LRRC37A2: variants seen among roughly 807,000 people sequenced by gnomAD.
LRRC37A2 encodes leucine rich repeat containing 37 member A2, also known as leucine-rich repeat-containing protein 37A2.
In LRRC37A2, 9 loss-of-function variants were observed where a neutral mutation model predicts 68.8. That is an observed-to-expected ratio of 0.13 (90% CI 0.08 to 0.23). The LOEUF is 0.23. Among genes scored for constraint, LRRC37A2 ranks in the 10% least tolerant of loss-of-function variants. The pLI is 1.00. For missense variants in LRRC37A2, 168 were observed against 950.4 expected (o/e 0.18, Z 10.82); for synonymous variants, 63 against 367.6 (o/e 0.17, Z 9.48).
At chr17:46,800,724 T>C in the LRRC37A2 span, among the ~76,000 whole-genome samples, 1 of 152,214 alleles carries the variant, frequency 6.6e-6, no homozygotes, top group African/African-American at 2.4e-5. Flanking sequence ...GGATCCACTG[T>C]GTGCCCTGTG....
chr17:46,833,420 C>A, the LRRC37A2 span: 1 of 517,310 alleles, frequency 1.9e-6, no homozygotes. Flanking sequence ...GCCTTACCAG[C>A]CCTCTAAGAA....
At chr17:46,981,557 A>G in the LRRC37A2 span, among the ~76,000 whole-genome samples, 1 of 152,170 alleles carries the variant, frequency 6.6e-6, no homozygotes, top group Non-Finnish European at 1.5e-5. Context: ...GTGAGAAATT[A>G]ATTTCTATTT....
chr17:46,969,249 A>G, the LRRC37A2 span, among the ~76,000 whole-genome samples: 1 of 152,176 alleles, frequency 6.6e-6, no homozygotes, highest in African/African-American at 2.4e-5. Context: ...GGAACACTCT[A>G]GCTGCCCTTC....
chr17:46,801,343 G>C, the LRRC37A2 span, among the ~76,000 whole-genome samples: 1 of 152,320 alleles, frequency 6.6e-6, no homozygotes, highest in Non-Finnish European at 1.5e-5. Flanking sequence ...AAAGTGGCCG[G>C]GCACGGTGGC....
chr17:46,929,874 A>C, the LRRC37A2 span: 4 of 341,172 alleles, frequency 1.2e-5, no homozygotes, highest in Non-Finnish European at 2.2e-5. Flanking sequence ...TAGTCCTTAG[A>C]GGAATGTACT....
chr17:46,685,503 A>G, the LRRC37A2 span, among the ~76,000 whole-genome samples: 1 of 152,150 alleles, frequency 6.6e-6, no homozygotes, highest in East Asian at 1.9e-4. Context: ...CAAACTAGTT[A>G]AATATAGAAC....
chr17:46,948,467 T>C, the LRRC37A2 span: 1 of 152,240 alleles, frequency 6.6e-6, no homozygotes, highest in Admixed American at 6.5e-5. Context: ...CAAGATACGA[T>C]ATTGCACATG....
chr17:46,962,045 A>G, the LRRC37A2 span, among the ~76,000 whole-genome samples: 3 of 152,208 alleles, frequency 2.0e-5, no homozygotes, highest in Admixed American at 2.0e-4. Flanking sequence ...AAAAATAAAA[A>G]TAGGGGCCAG....
the LRRC37A2 span, among the ~76,000 whole-genome samples, chr17:47,014,001 G>A: frequency 6.6e-6 from 1 of 152,152 alleles, no homozygotes; most frequent in African/African-American, 2.4e-5. Context: ...GCTGAGGCAG[G>A]AGAATCGCTT....
the LRRC37A2 span, among the ~76,000 whole-genome samples, chr17:46,794,868 A>C: frequency 6.6e-6 from 1 of 150,972 alleles, no homozygotes; most frequent in Non-Finnish European, 1.5e-5. Flanking sequence ...CTCGTGCCTC[A>C]GCCTTCCGAG....
intron 8 of LRRC37A2, among the ~76,000 whole-genome samples, chr17:46,544,838 T>C (rs1005550698): frequency 7.9e-6 from 1 of 127,346 alleles, no homozygotes; most frequent in Non-Finnish European, 1.6e-5. Context: ...GATGAAAGAA[T>C]AGTACAGAAT....
At chr17:46,891,716 T>G in the LRRC37A2 span, among the ~76,000 whole-genome samples, 4 of 152,174 alleles carry the variant, frequency 2.6e-5, no homozygotes, top group Non-Finnish European at 5.9e-5. Flanking sequence ...TCCTTGCATG[T>G]GGCCCAGTCT....
chr17:46,763,931 A>C, the LRRC37A2 span: 1 of 152,136 alleles, frequency 6.6e-6, no homozygotes, highest in Non-Finnish European at 1.5e-5. Flanking sequence ...CCCCTCGTGC[A>C]GAACAGGGTT....
At chr17:46,766,130 C>T in the LRRC37A2 span, among the ~76,000 whole-genome samples, 6 of 152,148 alleles carry the variant, frequency 3.9e-5, no homozygotes, top group Non-Finnish European at 5.9e-5. Flanking sequence ...TGATTCTGGC[C>T]GGGCGCGGTG....
At chr17:46,718,421 A>G in the LRRC37A2 span, among the ~76,000 whole-genome samples, 1 of 152,366 alleles carries the variant, frequency 6.6e-6, no homozygotes, top group East Asian at 1.9e-4. Flanking sequence ...TACATGCTTA[A>G]TGAGTTTCAC....
chr17:46,741,113 G>A, the LRRC37A2 span, among the ~76,000 whole-genome samples: 1 of 152,262 alleles, frequency 6.6e-6, no homozygotes, highest in Non-Finnish European at 1.5e-5. Context: ...AGTGAAAATA[G>A]CAATGAGGCC....
At chr17:46,993,939 C>T in the LRRC37A2 span, among the ~76,000 whole-genome samples, 6 of 146,634 alleles carry the variant, frequency 4.1e-5, no homozygotes, top group African/African-American at 1.4e-4. Flanking sequence ...TGCCACACTG[C>T]CTTCTTAGCT....
At chr17:46,751,543 C>T in the LRRC37A2 span, 2 of 1,614,012 alleles carry the variant, frequency 1.2e-6, no homozygotes, top group East Asian at 2.2e-5. Flanking sequence ...ACCACAATTG[C>T]ACAGCAAGTC....
chr17:47,010,685 C>T, the LRRC37A2 span: 1 of 152,238 alleles, frequency 6.6e-6, no homozygotes, highest in Non-Finnish European at 1.5e-5. Context: ...ACAGGAGGCT[C>T]CTACTGCAGA....
Sources: gnomAD v4.1 joint callset for allele counts (sites outside exome capture counted in the v4.1 genomes callset) on GRCh38, gnomAD v4.1.1 for gene constraint, MANE v1.5 for transcripts, NCBI Gene and HGNC (gene_info 2026-07-23, HGNC 2026-07-21) for gene names.